Variants in LEKR1 observed in about 807,000 individuals in gnomAD.
LEKR1 encodes leucine, glutamate and lysine rich 1.
Under a neutral mutation model 72.4 loss-of-function variants are expected in LEKR1, and 59 were observed. The ratio of observed to expected loss-of-function variants is 0.82; its 90% CI spans 0.66 to 1.01. The LOEUF is 1.01. Among genes scored for constraint, LEKR1 ranks in the 50% least tolerant of loss-of-function variants. LEKR1 has a pLI of 0.00. For missense variants in LEKR1, 728 were observed against 759.2 expected (o/e 0.96, Z 0.48); for synonymous variants, 257 against 263.2 (o/e 0.98, Z 0.23).
At position 157,028,279 on chromosome 3, in the gene LEKR1, TGAC is replaced by T; in HGVS notation, c.1546_1548del (p.Asp516del). ...TTGAATCTCGCTTGAAGAAGGAAAT[TGAC>T]AGTAATGATTCAGTTTCAGAAAACT... On this transcript the variant is annotated inframe_deletion, in exon 12 of 13. Transcript: ENST00000356539. The T allele has an allele frequency of 6.2e-7, 1 of 1,613,506 alleles. No individual in the cohort carries two copies. Among genetic ancestry groups the T allele is most frequent in the Non-Finnish European group, 8.5e-7 (1 of 1,179,726 alleles).
At chr3:156,989,989 G>T (rs1404844884) in intron 7 of LEKR1, among the ~76,000 whole-genome samples, 1 of 152,042 alleles carries the variant, frequency 6.6e-6, no homozygotes, top group Non-Finnish European at 1.5e-5. Flanking sequence ...TTTCAATTTT[G>T]TCAGTTGACC....
chr3:156,896,047 T>C (rs1181741803), intron 3 of LEKR1, among the ~76,000 whole-genome samples: 1 of 152,158 alleles, frequency 6.6e-6, no homozygotes, highest in Non-Finnish European at 1.5e-5. Flanking sequence ...AACAAGAGCA[T>C]GTCCTTTGCA....
rs566050860 is a variant in LEKR1 at position 157,003,809 on chromosome 3, T to C, written c.1110-7604T>C. On this transcript the variant is annotated intron_variant, in intron 9 of 12. Coordinates refer to ENST00000356539, the MANE Select transcript of LEKR1 (RefSeq NM_001004316.3). Reference sequence around the variant, plus strand: ...CTAAAAATGTCTATTATCAACCCTGTAGCAACCACTAAAATAAAACTAAAC... The same window carrying C: ...CTAAAAATGTCTATTATCAACCCTGCAGCAACCACTAAAATAAAACTAAAC... Among the ~76,000 whole-genome samples the C allele has an allele frequency of 1.6e-4, 24 of 152,080 alleles. No homozygotes were observed. In the South Asian group the frequency reaches 3.9e-3, roughly 25 times the overall value.
At chr3:156,857,029 A>G (rs1716145942) in intron 3 of LEKR1, among the ~76,000 whole-genome samples, 1 of 152,092 alleles carries the variant, frequency 6.6e-6, no homozygotes, top group Non-Finnish European at 1.5e-5. Flanking sequence ...TCTGTTTTTA[A>G]AAGGACATCT....
intron 12 of LEKR1, among the ~76,000 whole-genome samples, chr3:157,043,419 C>T (rs1735512466): frequency 6.6e-6 from 1 of 150,602 alleles, no homozygotes; most frequent in African/African-American, 2.4e-5. Context: ...ACTTAGAAAA[C>T]CTGGGCAAAA....
chr3:156,843,560 A>G (rs962119967), intron 2 of LEKR1, among the ~76,000 whole-genome samples: 2 of 152,200 alleles, frequency 1.3e-5, no homozygotes, highest in African/African-American at 2.4e-5. Context: ...TCTCAGGGAT[A>G]ACAATCCCTT....
chr3:156,893,420 T>C (rs756080134), intron 3 of LEKR1, among the ~76,000 whole-genome samples: 11 of 152,168 alleles, frequency 7.2e-5, no homozygotes, highest in Non-Finnish European at 1.5e-4. Context: ...AGGAATAGCA[T>C]CTGATATAGT....
intron 3 of LEKR1, among the ~76,000 whole-genome samples, chr3:156,910,918 T>C (rs1723046572): frequency 6.6e-6 from 1 of 152,202 alleles, no homozygotes; most frequent in Admixed American, 6.5e-5. Flanking sequence ...TCCAAACTGC[T>C]TTCCACAGTG....
chr3:156,892,165 A>C (rs1480087582), intron 3 of LEKR1, among the ~76,000 whole-genome samples: 1 of 152,180 alleles, frequency 6.6e-6, no homozygotes, highest in Non-Finnish European at 1.5e-5. Flanking sequence ...GAAGAAAGGC[A>C]GGTGGGTAGG....
chr3:157,017,963 A>AAAAAAAAAAG (rs1733505502), intron 10 of LEKR1, among the ~76,000 whole-genome samples: 2 of 86,096 alleles, frequency 2.3e-5, no homozygotes, highest in African/African-American at 7.8e-5. Context: ...AAAAAAAAAA[A>AAAAAAAAAAG]AAAAAAAAAG....
intron 3 of LEKR1, among the ~76,000 whole-genome samples, chr3:156,882,287 A>G (rs955655715): frequency 2.0e-5 from 3 of 151,318 alleles, no homozygotes; most frequent in African/African-American, 7.3e-5. Flanking sequence ...TCTACAATGA[A>G]CTCAAACAAA....
chr3:156,826,355 A>G lies in LEKR1; in HGVS notation c.-66A>G, dbSNP rs1185112337. 6.6e-6 allele frequency: 1 copy of G among 152,582 alleles called. No homozygotes were observed. 9.5% of individuals were successfully genotyped at this position (152,582 alleles called of 1,614,324 possible). A position where few individuals can be genotyped will look rare whatever the true frequency, so the allele number is the denominator to read the frequency against. On this transcript the variant is annotated 5_prime_UTR_variant, in exon 1 of 13. Coordinates refer to ENST00000356539, the MANE Select transcript of LEKR1 (RefSeq NM_001004316.3). ...CGGGAGACCGGGAAAGCCGTTTCAC[A>G]CCCGTCCTAGTCGAAGTCGAGGTGA...
intron 12 of LEKR1, among the ~76,000 whole-genome samples, chr3:157,030,694 T>C (rs1734541334): frequency 6.6e-6 from 1 of 152,194 alleles, no homozygotes; most frequent in South Asian, 2.1e-4. Context: ...TGAGTGTCTC[T>C]GGTTTAGAGG....
At chr3:156,891,026 AT>A (rs11407482) in intron 3 of LEKR1, among the ~76,000 whole-genome samples, 5,076 of 137,426 alleles carry the variant, frequency 0.037, 103 homozygotes, top group Non-Finnish European at 0.052. Flanking sequence ...TGGCCGGCTA[AT>A]TTTTTTTTTT....
At chr3:156,914,069 A>T (rs2108569690) in intron 3 of LEKR1, among the ~76,000 whole-genome samples, 1 of 152,322 alleles carries the variant, frequency 6.6e-6, no homozygotes, top group Admixed American at 6.5e-5. Context: ...AAACATAATC[A>T]CAATATTATC....
At chr3:156,971,374 A>T (rs1243533327) in intron 6 of LEKR1, among the ~76,000 whole-genome samples, 1 of 152,226 alleles carries the variant, frequency 6.6e-6, no homozygotes, top group Admixed American at 6.5e-5. Context: ...TTGGACCTGA[A>T]ACCATAAAAA....
intron 9 of LEKR1, among the ~76,000 whole-genome samples, chr3:156,999,211 C>A (rs576185689): frequency 6.6e-6 from 1 of 152,096 alleles, no homozygotes; most frequent in Admixed American, 6.5e-5. Flanking sequence ...TACCCAGTCT[C>A]GGGCAGTTCT....
chr3:156,982,839 A>ATGTGTG (rs138059166), intron 7 of LEKR1, among the ~76,000 whole-genome samples: 5 of 146,976 alleles, frequency 3.4e-5, no homozygotes, highest in African/African-American at 1.3e-4. Flanking sequence ...ATATATGAAT[A>ATGTGTG]TGTGTGTGTG....
At chr3:156,833,857 C>T (rs1446422052) in intron 2 of LEKR1, among the ~76,000 whole-genome samples, 1 of 151,466 alleles carries the variant, frequency 6.6e-6, no homozygotes, top group Non-Finnish European at 1.5e-5. Context: ...AAACAGCATA[C>T]CCAATAAAGG....
Sources: allele counts gnomAD v4.1 joint callset (sites outside exome capture counted in the v4.1 genomes callset), GRCh38; gene constraint gnomAD v4.1.1; transcripts MANE v1.5; gene names NCBI Gene and HGNC (gene_info 2026-07-23, HGNC 2026-07-21).